CCDC15: variants seen among roughly 807,000 people sequenced by gnomAD.
CCDC15 encodes coiled-coil domain containing 15.
Under a neutral mutation model 114.5 loss-of-function variants are expected in CCDC15, and 105 were observed. The observed-to-expected ratio is 0.92, with a 90% CI of 0.78 to 1.08. The LOEUF (loss-of-function observed/expected upper bound fraction) is 1.08. CCDC15 is among the 50% of genes least tolerant of loss of function. The probability of loss-of-function intolerance (pLI) is 0.00; values close to 1 mark genes in which losing one functional copy is unlikely to be tolerated. For synonymous variants in CCDC15, 334 were observed against 377.8 expected (o/e 0.88, Z 1.34); for missense variants, 1,105 against 1,093.6 (o/e 1.01, Z -0.15).
intron 6 of CCDC15, among the ~76,000 whole-genome samples, chr11:124,985,246 A>G (rs1948137597): frequency 2.0e-5 from 3 of 152,258 alleles, no homozygotes; most frequent in Non-Finnish European, 4.4e-5. Flanking sequence ...TTATCCATTT[A>G]TCAGTTAGTA....
At chr11:125,032,412 C>A (rs751319701) in intron 13 of CCDC15, among the ~76,000 whole-genome samples, 10 of 152,192 alleles carry the variant, frequency 6.6e-5, no homozygotes, top group Non-Finnish European at 1.2e-4. Context: ...AATGAAACCA[C>A]ACCTGGTACA....
chr11:124,962,892 A>G (rs1947695423), intron 4 of CCDC15, among the ~76,000 whole-genome samples: 1 of 152,214 alleles, frequency 6.6e-6, no homozygotes, highest in South Asian at 2.1e-4. Flanking sequence ...GAGTGAGAAC[A>G]TGCGGTGTTT....
intron 14 of CCDC15, 82 bp from the exon 15 acceptor site, chr11:125,038,839 T>G (rs763039069): frequency 3.4e-6 from 5 of 1,465,624 alleles, no homozygotes; most frequent in Non-Finnish European, 4.7e-6. Context: ...GATTTAACAG[T>G]TAAATCTGGC....
chr11:125,021,881 C>G, intron 13 of CCDC15, among the ~76,000 whole-genome samples: 1 of 151,916 alleles, frequency 6.6e-6, no homozygotes, highest in East Asian at 1.9e-4. Flanking sequence ...ATTGACTTCG[C>G]TCTGTTTAAA....
intron 5 of CCDC15, among the ~76,000 whole-genome samples, chr11:124,975,771 GGTAGTA>G (rs899003206): frequency 1.3e-5 from 2 of 151,990 alleles, no homozygotes; most frequent in Non-Finnish European, 2.9e-5. Context: ...ATTATTTCTG[GGTAGTA>G]GTATTACAGG....
At chr11:124,994,764 T>TA (rs560761967) in intron 11 of CCDC15, among the ~76,000 whole-genome samples, 71 of 152,356 alleles carry the variant, frequency 4.7e-4, no homozygotes, top group Middle Eastern at 3.4e-3. Flanking sequence ...AAGAAAATGT[T>TA]ACAACATCCT....
intron 13 of CCDC15, among the ~76,000 whole-genome samples, chr11:125,023,593 C>G (rs1341402078): frequency 3.3e-5 from 5 of 151,776 alleles, no homozygotes; most frequent in African/African-American, 1.2e-4. Context: ...CATGAAATAC[C>G]AGCTCATACT....
At chr11:125,005,067 T>C (rs1423836019) in intron 12 of CCDC15, 42 bp from the exon 13 acceptor site, 2 of 893,032 alleles carry the variant, frequency 2.2e-6, no homozygotes, top group Non-Finnish European at 3.4e-6. Flanking sequence ...TGGAAATTCC[T>C]CTGAAAGCAG....
intron 11 of CCDC15, among the ~76,000 whole-genome samples, chr11:125,001,562 A>C (rs1476437336): frequency 6.6e-6 from 1 of 152,138 alleles, no homozygotes; most frequent in African/African-American, 2.4e-5. Flanking sequence ...TTTTCCCTTT[A>C]GCCCCACCTC....
chr11:124,957,818 G>C (rs1435462808), intron 2 of CCDC15, among the ~76,000 whole-genome samples: 2 of 152,152 alleles, frequency 1.3e-5, no homozygotes, highest in Non-Finnish European at 1.5e-5. Context: ...CCTGTAAAAT[G>C]ATCTGAGGTA....
chr11:124,991,659 A>G (rs1290889195), intron 9 of CCDC15, 76 bp downstream of exon 9: 35 of 1,323,628 alleles, frequency 2.6e-5, no homozygotes, highest in Non-Finnish European at 3.6e-5. Flanking sequence ...GTAATTTAGA[A>G]TGAGGGATTT....
chr11:124,969,732 A>C (rs1243336735), intron 4 of CCDC15, among the ~76,000 whole-genome samples: 1 of 152,220 alleles, frequency 6.6e-6, no homozygotes, highest in Non-Finnish European at 1.5e-5. Flanking sequence ...TTTTGCCTGC[A>C]AGAACTCAGG....
At chr11:125,024,717 G>C (rs1179735853) in intron 13 of CCDC15, among the ~76,000 whole-genome samples, 1 of 151,900 alleles carries the variant, frequency 6.6e-6, no homozygotes, top group Non-Finnish European at 1.5e-5. Flanking sequence ...TGATCATGTT[G>C]TCTTCAAATA....
intron 13 of CCDC15, 111 bp downstream of exon 13, chr11:125,005,323 G>A (rs1348918571): frequency 2.0e-6 from 1 of 501,572 alleles, no homozygotes; most frequent in African/African-American, 2.0e-5. Flanking sequence ...ATTGAAAACA[G>A]CTATTTTTGA....
intron 11 of CCDC15, among the ~76,000 whole-genome samples, chr11:124,995,812 T>C (rs1948356875): frequency 6.6e-6 from 1 of 151,918 alleles, no homozygotes; most frequent in African/African-American, 2.4e-5. Context: ...CTGGAAATTT[T>C]CAACCCTGGA....
intron 13 of CCDC15, among the ~76,000 whole-genome samples, chr11:125,022,344 A>G (rs542075914): frequency 1.4e-4 from 22 of 151,796 alleles, no homozygotes; most frequent in Non-Finnish European, 2.1e-4. Flanking sequence ...CTCCCCTATT[A>G]CAACTTTATG....
In CCDC15 at chr11:124,986,736, C is replaced by G. The variant is rs771413217; in HGVS notation, c.754-6C>G. The G allele has an allele frequency of 6.7e-7, 1 of 1,491,788 alleles. No individual in the cohort carries two copies. Among genetic ancestry groups the G allele is most frequent in the African/African-American group, 1.5e-5 (1 of 66,892 alleles). 92.4% of individuals were successfully genotyped at this position (1,491,788 alleles called of 1,614,324 possible). A position where few individuals can be genotyped will look rare whatever the true frequency, so the allele number is the denominator to read the frequency against. On this transcript the variant is annotated splice_region_variant and splice_polypyrimidine_tract_variant and intron_variant, in intron 6 of 15. Transcript: ENST00000344762. Reference sequence around the variant, plus strand: ...GCGTGCGCGTTTTCATTGTTTTTTTCTTTAGGAACTTGACTATGAGGAACC... The same window carrying G: ...GCGTGCGCGTTTTCATTGTTTTTTTGTTTAGGAACTTGACTATGAGGAACC...
chr11:125,031,301 C>A (rs1490776827), intron 13 of CCDC15, among the ~76,000 whole-genome samples: 15 of 152,222 alleles, frequency 9.9e-5, no homozygotes. Context: ...GCCAGTTGAT[C>A]ACAGGGAACT....
intron 13 of CCDC15, among the ~76,000 whole-genome samples, chr11:125,025,126 A>G (rs1289604668): frequency 1.0e-4 from 14 of 133,704 alleles, no homozygotes; most frequent in Non-Finnish European, 1.7e-4. Context: ...GAGTATATAT[A>G]TGAATATATA....
Sources: gnomAD v4.1 joint callset for allele counts (sites outside exome capture counted in the v4.1 genomes callset) on GRCh38, gnomAD v4.1.1 for gene constraint, MANE v1.5 for transcripts, NCBI Gene and HGNC (gene_info 2026-07-23, HGNC 2026-07-21) for gene names.